HDAC4: variants seen among roughly 807,000 people sequenced by gnomAD.
The protein encoded by HDAC4 is histone deacetylase 4.
A neutral mutation model predicts 135.1 loss-of-function variants in HDAC4; 16 were observed. The observed-to-expected ratio is 0.12, with a 90% CI of 0.08 to 0.18. The LOEUF (loss-of-function observed/expected upper bound fraction) is 0.18, where lower values mean the gene tolerates loss of function less well. HDAC4 is among the 10% of genes least tolerant of loss of function. HDAC4 has a pLI of 1.00. For synonymous variants in HDAC4, 685 were observed against 653.4 expected (o/e 1.05, Z -0.74); for missense variants, 1,143 against 1,511.8 (o/e 0.76, Z 4.05).
intron 11 of HDAC4, among the ~76,000 whole-genome samples, chr2:239,130,330 T>C (rs1166899592): frequency 6.6e-6 from 1 of 152,110 alleles, no homozygotes; most frequent in Non-Finnish European, 1.5e-5. Context: ...GGACTCGCTG[T>C]TTTTTGGGGA....
At chr2:239,154,335 A>ATGGG (rs2042291563) in intron 7 of HDAC4, among the ~76,000 whole-genome samples, 1 of 152,086 alleles carries the variant, frequency 6.6e-6, no homozygotes, top group Non-Finnish European at 1.5e-5. Context: ...GACTCTGGGG[A>ATGGG]TGGGTGCATG....
chr2:239,213,373 G>A (rs1559234531), intron 3 of HDAC4, among the ~76,000 whole-genome samples: 1 of 152,198 alleles, frequency 6.6e-6, no homozygotes, highest in Non-Finnish European at 1.5e-5. Context: ...ACAACTCAGC[G>A]GTGCCCGCGC....
At chr2:239,315,970 G>A (rs2053098130) in intron 2 of HDAC4, among the ~76,000 whole-genome samples, 1 of 152,108 alleles carries the variant, frequency 6.6e-6, no homozygotes, top group African/African-American at 2.4e-5. Flanking sequence ...ACTGTGAGCA[G>A]TTACTTGCAA....
intron 1 of HDAC4, among the ~76,000 whole-genome samples, chr2:239,393,050 C>T (rs1350140205): frequency 6.6e-6 from 1 of 152,190 alleles, no homozygotes; most frequent in Non-Finnish European, 1.5e-5. Context: ...CTCGCCAGCA[C>T]TGCTAGAAGG....
intron 24 of HDAC4, among the ~76,000 whole-genome samples, chr2:239,061,578 G>A (rs890060281): frequency 3.3e-5 from 5 of 152,192 alleles, no homozygotes; most frequent in African/African-American, 1.2e-4. Flanking sequence ...AGACTGTGGT[G>A]CCTATGTGTG....
intron 8 of HDAC4, among the ~76,000 whole-genome samples, chr2:239,140,021 G>A (rs997208633): frequency 5.9e-5 from 9 of 152,176 alleles, no homozygotes; most frequent in East Asian, 3.8e-4. Context: ...GGACATGTAC[G>A]TTACCAATTT....
At chr2:239,061,282 G>C (rs965076716) in intron 24 of HDAC4, among the ~76,000 whole-genome samples, 3 of 151,750 alleles carry the variant, frequency 2.0e-5, no homozygotes, top group Non-Finnish European at 1.5e-5. Flanking sequence ...ATGTGAGACT[G>C]GTGCTTCTGT....
Position 239,308,160 on chromosome 2 carries a change from C to G in HDAC4, c.22+44518G>C, listed in dbSNP as rs2052697377. On this transcript the variant is annotated intron_variant, in intron 2 of 26. Coordinates refer to ENST00000543185, the MANE Select transcript of HDAC4 (RefSeq NM_001378414.1). This position sits in a 1 kb window ranked among gnomAD's most constrained non-coding sequence, Gnocchi z 4.2. The stretch of plus-strand genomic sequence containing the variant: ...CCTCCCTGGGCCCCAGCTTCCTCAT[C>G]TGTGAGATGGGGGTGGTCAGCGTGC... Among the ~76,000 whole-genome samples the G allele has an allele frequency of 6.6e-6, 1 of 152,184 alleles. No individual in the cohort carries two copies. The highest frequency in any genetic ancestry group is 1.5e-5 in the Non-Finnish European group (1 of 68,030).
chr2:239,354,447 C>G (rs962917291), intron 1 of HDAC4, among the ~76,000 whole-genome samples: 11 of 152,144 alleles, frequency 7.2e-5, no homozygotes, highest in African/African-American at 2.7e-4. Flanking sequence ...AGTCTCAGCA[C>G]TCCTACCACT....
intron 4 of HDAC4, chr2:239,187,166 G>A (rs2044607984): frequency 6.6e-6 from 1 of 152,642 alleles, no homozygotes; most frequent in Admixed American, 6.5e-5. Context: ...TTGGCCTGCA[G>A]GAAGGCAGGG....
At chr2:239,072,272 T>C (rs1285842500) in intron 22 of HDAC4, among the ~76,000 whole-genome samples, 2 of 152,244 alleles carry the variant, frequency 1.3e-5, no homozygotes, top group African/African-American at 4.8e-5. Flanking sequence ...TGCAGAAACA[T>C]TTTGAAACCC....
rs377371726 is a variant in HDAC4, at chr2:239,283,432, G to T, written c.23-46768C>A. Among the ~76,000 whole-genome samples, 8 of 152,348 alleles carry T rather than the reference G, an allele frequency of 5.3e-5. No individual in the cohort carries two copies. The East Asian group carries it at 5.8e-4, about 11-fold the overall frequency. ...CATGGCTACCGCCCCCCATGAGCAG[G>T]ATCAGTGCCGACGAGGCTGCAGCGA... On this transcript the variant is annotated intron_variant, in intron 2 of 26. Transcript: ENST00000543185.
chr2:239,113,730 G>C (rs920610255), intron 13 of HDAC4, among the ~76,000 whole-genome samples: 2 of 152,064 alleles, frequency 1.3e-5, no homozygotes, highest in Non-Finnish European at 2.9e-5. Context: ...TACAAGGCCC[G>C]ACCACAGGAA....
intron 12 of HDAC4, among the ~76,000 whole-genome samples, chr2:239,125,953 T>C (rs1002930326): frequency 6.6e-6 from 1 of 152,254 alleles, no homozygotes; most frequent in African/African-American, 2.4e-5. Flanking sequence ...CTGCTTACCC[T>C]GTACGCTGCT....
intron 7 of HDAC4, 99 bp downstream of exon 7, chr2:239,156,553 T>G (rs576490954): frequency 2.1e-6 from 3 of 1,455,092 alleles, no homozygotes; most frequent in Non-Finnish European, 2.9e-6. Flanking sequence ...AGGTGATTCC[T>G]TCTCTAAGTG....
intron 3 of HDAC4, among the ~76,000 whole-genome samples, chr2:239,203,038 C>T (rs1029485782): frequency 7.2e-5 from 11 of 152,212 alleles, no homozygotes; most frequent in African/African-American, 2.7e-4. Context: ...GCTGGCAGCG[C>T]TGAGTGGAGC....
In HDAC4 at chr2:239,050,622, C is replaced by G. The variant is rs79566888; in HGVS notation, c.*2475G>C. The G allele has an allele frequency of 0.013, 2,032 of 152,764 alleles. 21 individuals are homozygous for G. Among genetic ancestry groups the G allele is most frequent in the Non-Finnish European group, 0.022 (1,466 of 68,042 alleles). 9.5% of individuals were successfully genotyped at this position (152,764 alleles called of 1,614,324 possible). ...CCAAGTGAATCCAAGAATCTGCACT[C>G]ATTTGGTCAAAAGTTTGAGTTAATT... On this transcript the variant is annotated 3_prime_UTR_variant, in exon 27 of 27. Coordinates refer to ENST00000543185, the MANE Select transcript of HDAC4 (RefSeq NM_001378414.1).
intron 7 of HDAC4, among the ~76,000 whole-genome samples, chr2:239,152,620 C>T (rs919292429): frequency 2.6e-5 from 4 of 152,196 alleles, no homozygotes; most frequent in African/African-American, 7.2e-5. Flanking sequence ...AAGCCAGGAG[C>T]GAGGAGATGA....
chr2:239,087,075 G>A (rs529328288), intron 19 of HDAC4, among the ~76,000 whole-genome samples: 1 of 152,198 alleles, frequency 6.6e-6, no homozygotes, highest in Non-Finnish European at 1.5e-5. Context: ...TCAGCTGTAT[G>A]GACCGTCGGC....
Sources: allele counts gnomAD v4.1 joint callset (sites outside exome capture counted in the v4.1 genomes callset), GRCh38; gene constraint gnomAD v4.1.1; non-coding constraint Gnocchi (gnomAD v3.1); transcripts MANE v1.5; gene names NCBI Gene and HGNC (gene_info 2026-07-23, HGNC 2026-07-21).